Variants in RGS7 observed in about 807,000 individuals in gnomAD.
RGS7 encodes regulator of G-protein signaling 7.
In RGS7, 27 loss-of-function variants were observed where a neutral mutation model predicts 81.1. That is an observed-to-expected ratio of 0.33 (90% CI 0.25 to 0.46). RGS7 has a LOEUF of 0.46. Among genes scored for constraint, RGS7 ranks in the 20% least tolerant of loss-of-function variants. The pLI is 1.00. For synonymous variants in RGS7, 208 were observed against 207.7 expected, an observed-to-expected ratio of 1.00 and a Z score of -0.01; for missense variants, 396 against 607.4, an observed-to-expected ratio of 0.65 and a Z score of 3.66.
At chr1:241,306,803 T>C (rs1282205585) in intron 2 of RGS7, among the ~76,000 whole-genome samples, 2 of 151,670 alleles carry the variant, frequency 1.3e-5, no homozygotes, top group African/African-American at 4.8e-5. Flanking sequence ...GAACACACCC[T>C]CCTGTGTGCA....
chr1:241,024,475 G>A (rs2059689529), intron 3 of RGS7, among the ~76,000 whole-genome samples: 1 of 152,194 alleles, frequency 6.6e-6, no homozygotes, highest in Admixed American at 6.5e-5. Flanking sequence ...TATCCAGCAG[G>A]AAGCACAAAC....
intron 4 of RGS7, among the ~76,000 whole-genome samples, chr1:240,941,130 T>A (rs776413403): frequency 1.4e-4 from 21 of 152,224 alleles, no homozygotes; most frequent in Non-Finnish European, 2.6e-4. Context: ...ATGAATTTAG[T>A]AGAAATATAC....
At chr1:240,920,255 TG>T in intron 6 of RGS7, 1 of 1,268,218 alleles carries the variant, frequency 7.9e-7, no homozygotes, top group East Asian at 2.3e-5. Flanking sequence ...CTGGAAACTT[TG>T]GTGGTGATCG....
At chr1:241,080,356 T>C (rs1392588997) in intron 3 of RGS7, among the ~76,000 whole-genome samples, 1 of 151,950 alleles carries the variant, frequency 6.6e-6, no homozygotes, top group Non-Finnish European at 1.5e-5. Flanking sequence ...AAATAATTAT[T>C]ATTTAATGAA....
intron 4 of RGS7, among the ~76,000 whole-genome samples, chr1:240,972,065 G>A (rs1183411778): frequency 6.6e-6 from 1 of 152,136 alleles, no homozygotes; most frequent in Non-Finnish European, 1.5e-5. Context: ...ACAAAATGGA[G>A]TATCCAGAAT....
Position 241,318,775 on chromosome 1 carries a change from C to G in RGS7, c.78+36924G>C, listed in dbSNP as rs149760542. Reference sequence around the variant, plus strand: ...ACAGGCATAATCCACCATGCCCAGACTATCCTGAGAATTTTCAATGTAGAG... The same window carrying G: ...ACAGGCATAATCCACCATGCCCAGAGTATCCTGAGAATTTTCAATGTAGAG... On this transcript the variant is annotated intron_variant, in intron 2 of 18. Coordinates refer to ENST00000440928, the MANE Select transcript of RGS7 (RefSeq NM_001364886.1). 9.2e-3 allele frequency among the ~76,000 whole-genome samples: 1,405 copies of G among 152,282 alleles called. 14 individuals carry two copies. Among genetic ancestry groups the G allele is most frequent in the South Asian group, 0.02 (96 of 4,828 alleles).
chr1:241,014,730 T>G (rs1223988841), intron 3 of RGS7, among the ~76,000 whole-genome samples: 1 of 152,158 alleles, frequency 6.6e-6, no homozygotes, highest in Non-Finnish European at 1.5e-5. Flanking sequence ...GTAAAATATT[T>G]CCATAAATAT....
At chr1:241,310,446 A>AGTGT (rs895556318) in intron 2 of RGS7, among the ~76,000 whole-genome samples, 1 of 111,846 alleles carries the variant, frequency 8.9e-6, no homozygotes, top group South Asian at 3.8e-4. Context: ...TGTGTGTGTG[A>AGTGT]GTGTGTGTGT....
chr1:240,973,950 TAACTA>T (rs1235035697), intron 4 of RGS7, among the ~76,000 whole-genome samples: 1 of 152,196 alleles, frequency 6.6e-6, no homozygotes, highest in Non-Finnish European at 1.5e-5. Context: ...ATTGGCAGTT[TAACTA>T]AATTCGTGGA....
chr1:241,088,460 G>A (rs2063611972), intron 3 of RGS7, among the ~76,000 whole-genome samples: 1 of 151,858 alleles, frequency 6.6e-6, no homozygotes, highest in Non-Finnish European at 1.5e-5. Flanking sequence ...ATAGGTAAAC[G>A]TACCCTTGCC....
chr1:240,905,877 A>G (rs1670738625), intron 6 of RGS7, among the ~76,000 whole-genome samples: 1 of 152,204 alleles, frequency 6.6e-6, no homozygotes, highest in Non-Finnish European at 1.5e-5. Flanking sequence ...TGCCTTGCAC[A>G]TGACTAGATG....
At chr1:241,295,950 G>A (rs947797203) in intron 2 of RGS7, among the ~76,000 whole-genome samples, 1 of 152,232 alleles carries the variant, frequency 6.6e-6, no homozygotes, top group Admixed American at 6.5e-5. Flanking sequence ...TCTGGGTGAT[G>A]AATCAGAGAT....
At chr1:240,917,424 T>C (rs1194844150) in intron 6 of RGS7, among the ~76,000 whole-genome samples, 1 of 152,094 alleles carries the variant, frequency 6.6e-6, no homozygotes, top group Admixed American at 6.6e-5. Context: ...AACAATGCAA[T>C]TGGTGGTTAT....
chr1:241,245,568 G>A (rs780240247), intron 2 of RGS7, among the ~76,000 whole-genome samples: 14 of 151,976 alleles, frequency 9.2e-5, no homozygotes, highest in Middle Eastern at 3.2e-3. Flanking sequence ...CAGCACTTTG[G>A]GAGGTCGAGG....
chr1:241,236,593 C>T (rs377633135), intron 2 of RGS7, among the ~76,000 whole-genome samples: 3 of 152,070 alleles, frequency 2.0e-5, no homozygotes, highest in Admixed American at 6.5e-5. Flanking sequence ...TGATTTGCCT[C>T]GAAACCACAA....
At chr1:241,281,142 C>T (rs908057568) in intron 2 of RGS7, among the ~76,000 whole-genome samples, 2 of 152,084 alleles carry the variant, frequency 1.3e-5, no homozygotes, top group South Asian at 4.2e-4. Flanking sequence ...ATAAAATATA[C>T]ACAAGTCTAT....
At chr1:240,927,052 T>G (rs1382363607) in intron 6 of RGS7, among the ~76,000 whole-genome samples, 2 of 150,812 alleles carry the variant, frequency 1.3e-5, no homozygotes, top group Admixed American at 6.6e-5. Flanking sequence ...AATAAACTGG[T>G]TTTTTTTGTT....
chr1:240,938,856 C>A (rs1224941897), intron 4 of RGS7, among the ~76,000 whole-genome samples: 2 of 150,832 alleles, frequency 1.3e-5, no homozygotes, highest in Admixed American at 1.3e-4. Flanking sequence ...GTATTTCCAT[C>A]ATTTCAACAT....
intron 2 of RGS7, among the ~76,000 whole-genome samples, chr1:241,160,795 T>G (rs2069587027): frequency 6.6e-6 from 1 of 152,192 alleles, no homozygotes; most frequent in Non-Finnish European, 1.5e-5. Flanking sequence ...CTGTTCCAGC[T>G]TATTAAATCT....
Sources: gnomAD v4.1 joint callset for allele counts (sites outside exome capture counted in the v4.1 genomes callset) on GRCh38, gnomAD v4.1.1 for gene constraint, MANE v1.5 for transcripts, NCBI Gene and HGNC (gene_info 2026-07-23, HGNC 2026-07-21) for gene names.